The following EPHA3 variants were observed in gnomAD, a reference collection of about 807,000 sequenced individuals.
EPHA3 encodes EPH receptor A3.
A neutral mutation model predicts 107.1 loss-of-function variants in EPHA3; 42 were observed. That is an observed-to-expected ratio of 0.39 (90% CI 0.31 to 0.51). EPHA3 has a LOEUF of 0.51. EPHA3 is among the 20% of genes least tolerant of loss of function. EPHA3 has a pLI of 0.78. For missense variants in EPHA3, 1,183 were observed against 1,211.2 expected (o/e 0.98, Z 0.35); for synonymous variants, 461 against 424.8 (o/e 1.09, Z -1.05).
At chr3:89,334,005 A>T (rs1707345848) in intron 3 of EPHA3, among the ~76,000 whole-genome samples, 1 of 152,230 alleles carries the variant, frequency 6.6e-6, no homozygotes, top group Non-Finnish European at 1.5e-5. Context: ...TTATATTTTT[A>T]AAATTAGAAA....
chr3:89,426,490 T>C (rs75570854), intron 11 of EPHA3, among the ~76,000 whole-genome samples: 1,701 of 151,918 alleles, frequency 0.011, 11 homozygotes, highest in Non-Finnish European at 0.019. Context: ...TCTTAACTGA[T>C]GTGTTTACAA....
intron 9 of EPHA3, among the ~76,000 whole-genome samples, chr3:89,410,794 T>C (rs902033952): frequency 1.3e-5 from 2 of 151,954 alleles, no homozygotes; most frequent in East Asian, 3.9e-4. Context: ...TAGAAAAGTA[T>C]GATAGCTTTT....
chr3:89,204,994 T>A (rs976141990), intron 2 of EPHA3, among the ~76,000 whole-genome samples: 1 of 152,206 alleles, frequency 6.6e-6, no homozygotes, highest in Non-Finnish European at 1.5e-5. Context: ...ACCATTGAAA[T>A]GCAAAAATAA....
At chr3:89,214,968 T>C (rs1253321608) in intron 3 of EPHA3, among the ~76,000 whole-genome samples, 2 of 151,974 alleles carry the variant, frequency 1.3e-5, no homozygotes, top group Non-Finnish European at 2.9e-5. Context: ...GTTTGTGTCC[T>C]AACATTCCTT....
intron 2 of EPHA3, among the ~76,000 whole-genome samples, chr3:89,157,138 A>C (rs1336953017): frequency 1.3e-5 from 2 of 152,048 alleles, no homozygotes; most frequent in Non-Finnish European, 2.9e-5. Context: ...GAAGGTTTGT[A>C]CTGGGAAAGA....
chr3:89,250,875 C>T (rs1397041660), intron 3 of EPHA3, among the ~76,000 whole-genome samples: 1 of 152,138 alleles, frequency 6.6e-6, no homozygotes, highest in African/African-American at 2.4e-5. Context: ...TTAATGAATG[C>T]TTGGTGATAT....
chr3:89,400,635 G>A, intron 7 of EPHA3, among the ~76,000 whole-genome samples: 1 of 141,406 alleles, frequency 7.1e-6, no homozygotes, highest in East Asian at 2.0e-4. Flanking sequence ...GTGTGTGTGA[G>A]CGTGTGTGTG....
chr3:89,119,655 T>A (rs1164902389), intron 1 of EPHA3, among the ~76,000 whole-genome samples: 2 of 152,166 alleles, frequency 1.3e-5, no homozygotes, highest in Non-Finnish European at 2.9e-5. Context: ...CTGCAGAATA[T>A]GATGAAGTCA....
chr3:89,310,288 A>G (rs1706732984), intron 3 of EPHA3, among the ~76,000 whole-genome samples: 1 of 152,082 alleles, frequency 6.6e-6, no homozygotes, highest in Admixed American at 6.6e-5. Context: ...ACAATATAAT[A>G]GCTTTAAAGG....
chr3:89,460,823 C>CTTTTTTTTTTTTTTTTTTT (rs753656853), intron 15 of EPHA3, among the ~76,000 whole-genome samples: 17 of 103,010 alleles, frequency 1.7e-4, no homozygotes, highest in African/African-American at 6.2e-4. Flanking sequence ...CTCTGTCTCT[C>CTTTTTTTTTTTTTTTTTTT]TTTTTTTTTT....
At chr3:89,252,561 C>A (rs1407647562) in intron 3 of EPHA3, among the ~76,000 whole-genome samples, 1 of 151,982 alleles carries the variant, frequency 6.6e-6, no homozygotes, top group Admixed American at 6.6e-5. Context: ...GAGATTCCAT[C>A]TCTACAAAAA....
intron 2 of EPHA3, among the ~76,000 whole-genome samples, chr3:89,203,829 G>T (rs983116456): frequency 6.6e-6 from 1 of 151,868 alleles, no homozygotes; most frequent in Non-Finnish European, 1.5e-5. Context: ...AAACCTTAAA[G>T]CTCCTAGAAG....
At chr3:89,361,250 C>T (rs1708084802) in intron 5 of EPHA3, among the ~76,000 whole-genome samples, 1 of 150,946 alleles carries the variant, frequency 6.6e-6, no homozygotes, top group African/African-American at 2.4e-5. Context: ...CCTATGAATT[C>T]CTAATCTATA....
At chr3:89,471,762 T>A (rs1710408475) in intron 15 of EPHA3, among the ~76,000 whole-genome samples, 1 of 151,884 alleles carries the variant, frequency 6.6e-6, no homozygotes, top group South Asian at 2.1e-4. Flanking sequence ...TGTATATATA[T>A]AAAATATTAT....
At chr3:89,342,347 C>A (rs988553102) in intron 5 of EPHA3, among the ~76,000 whole-genome samples, 4 of 151,848 alleles carry the variant, frequency 2.6e-5, no homozygotes, top group African/African-American at 7.3e-5. Flanking sequence ...ATTTGAGGCT[C>A]TCAGATAGTA....
At chr3:89,127,393 A>G in intron 2 of EPHA3, 120 bp downstream of exon 2, 1 of 698,322 alleles carries the variant, frequency 1.4e-6, no homozygotes, top group Non-Finnish European at 2.4e-6. Flanking sequence ...TTATACTTAT[A>G]GGAGTATTCA....
chr3:89,407,099 T>G (rs1709069604), intron 7 of EPHA3, among the ~76,000 whole-genome samples, 170 bp from the exon 8 acceptor site: 2 of 152,148 alleles, frequency 1.3e-5, no homozygotes, highest in Non-Finnish European at 2.9e-5. Context: ...AAATGTCTAT[T>G]TTTTTAAACA....
In EPHA3 at chr3:89,363,026, A is replaced by C. The variant is rs1350517664; in HGVS notation, c.1306+20936A>C. On this transcript the variant is annotated intron_variant, in intron 5 of 16. Coordinates refer to ENST00000336596, the MANE Select transcript of EPHA3 (RefSeq NM_005233.6). ...GGCACCAAAGAAAATTACTCTTATC[A>C]TTTCATCTTATATAAAGCTAGGTAT... Among the ~76,000 whole-genome samples the C allele has an allele frequency of 1.3e-5, 2 of 150,954 alleles. 1 individual carries two copies. The highest frequency in any genetic ancestry group is 3.0e-5 in the Non-Finnish European group (2 of 67,442).
chr3:89,160,577 TGTGTGTGTGTGTGC>T (rs1338360508), intron 2 of EPHA3, among the ~76,000 whole-genome samples: 2,126 of 141,408 alleles, frequency 0.015, 51 homozygotes, highest in African/African-American at 0.05. Flanking sequence ...TGTGTGTGTG[TGTGTGTGTGTGTGC>T]GCGCATTCTT....
Sources: gnomAD v4.1 joint callset for allele counts (sites outside exome capture counted in the v4.1 genomes callset) on GRCh38, gnomAD v4.1.1 for gene constraint, MANE v1.5 for transcripts, NCBI Gene and HGNC (gene_info 2026-07-23, HGNC 2026-07-21) for gene names.